Variants in COL6A2 observed in about 807,000 individuals in gnomAD.
COL6A2 encodes the protein collagen alpha-2(VI) chain.
A neutral mutation model predicts 124.9 loss-of-function variants in COL6A2; 90 were observed. The observed-to-expected ratio is 0.72, with a 90% confidence interval of 0.61 to 0.86. COL6A2 has a LOEUF of 0.86. Among genes scored for constraint, COL6A2 ranks in the 40% least tolerant of loss-of-function variants. The pLI is 0.00. For missense variants in COL6A2, 1,607 were observed against 1,502.5 expected, an observed-to-expected ratio of 1.07 and a Z score of -1.15; for synonymous variants, 793 against 618.2, an observed-to-expected ratio of 1.28 and a Z score of -4.19.
rs773206012 is a variant in COL6A2, at chr21:46,112,672, G to A, written c.714+95G>A. On this transcript the variant is annotated intron_variant, in intron 3 of 27. Coordinates refer to ENST00000300527, the MANE Select transcript of COL6A2 (RefSeq NM_001849.4). ...CCTCACTTTACCCCTCTGTGAGTGC[G>A]GAGGCCGAAGGAGGAAGCTCCGGGC... The A allele has an allele frequency of 8.8e-5, 139 of 1,588,000 alleles. 1 individual carries two copies. The highest frequency in any genetic ancestry group is 1.7e-4 in the Middle Eastern group (1 of 6,044).
intron 21 of COL6A2, 43 bp from the exon 22 acceptor site, chr21:46,124,608 T>C (rs933746120): frequency 6.3e-7 from 1 of 1,599,004 alleles, no homozygotes; most frequent in Admixed American, 1.7e-5. Flanking sequence ...GCAGGGACTG[T>C]CCCTGGGGCC....
chr21:46,129,918 G>A, intron 27 of COL6A2: 1 of 898,560 alleles, frequency 1.1e-6, no homozygotes, highest in Non-Finnish European at 1.3e-6. Flanking sequence ...CCGTGCGTCT[G>A]GGATGGGGCT....
chr21:46,132,529 C>A lies in COL6A2; in HGVS notation c.3037C>A (p.Arg1013Ser), dbSNP rs762516507. ...CCTGGCGCAACCCGGCTTCTTCGAC[C>A]GCTTCATCCGCTGGATCTGCTAGCG... ...DSLAQPGFFDRFIRWIC is the reference protein window; with the variant it reads ...DSLAQPGFFDSFIRWIC The change falls in exon 28 of 28, where the codon CGC (arginine) becomes AGC (serine). Residue 1013 changes from arginine to serine, a missense_variant. Coordinates refer to ENST00000300527, the MANE Select transcript of COL6A2 (RefSeq NM_001849.4). 13 of 1,605,022 alleles carry A rather than the reference C, an allele frequency of 8.1e-6. 1 individual carries two copies. In the South Asian group the frequency reaches 1.4e-4, roughly 18 times the overall value.
At chr21:46,108,346 A>G (rs1219678680) in intron 1 of COL6A2, among the ~76,000 whole-genome samples, 2 of 152,112 alleles carry the variant, frequency 1.3e-5, no homozygotes, top group African/African-American at 2.4e-5. Context: ...TTTTTAACCC[A>G]GGGTTAGATC....
chr21:46,124,824 G>A (rs1317021267), intron 22 of COL6A2, 61 bp from the exon 23 acceptor site: 5 of 1,607,698 alleles, frequency 3.1e-6, no homozygotes, highest in East Asian at 4.5e-5. Flanking sequence ...GCAGTGGCCT[G>A]GGAGAGACTC....
chr21:46,109,332 T>C (rs2078369735), intron 1 of COL6A2, among the ~76,000 whole-genome samples: 1 of 152,100 alleles, frequency 6.6e-6, no homozygotes, highest in Non-Finnish European at 1.5e-5. Flanking sequence ...GCCTGGGGCT[T>C]TTAAAGGCCT....
Position 46,116,908 on chromosome 21 carries a change from C to T in COL6A2, c.999+94C>T. On this transcript the variant is annotated intron_variant, in intron 10 of 27. Transcript: ENST00000300527. The surrounding 1 kb of genome is among the most constrained non-coding windows in gnomAD (Gnocchi z 4.6). Reference sequence around the variant, plus strand: ...AGATCCAGCCTGATCTGTCAGCTTACACATGTGTACACACGCATACACACA... The same window carrying T: ...AGATCCAGCCTGATCTGTCAGCTTATACATGTGTACACACGCATACACACA... 1.8e-6 allele frequency: 2 copies of T among 1,113,798 alleles called. No individual in the cohort carries two copies. Among genetic ancestry groups the T allele is most frequent in the Non-Finnish European group, 2.7e-6 (2 of 745,636 alleles). 69.0% of individuals were successfully genotyped at this position (1,113,798 alleles called of 1,614,324 possible). A position where few individuals can be genotyped will look rare whatever the true frequency, so the allele number is the denominator to read the frequency against.
chr21:46,126,439 AC>A (rs1601252293), intron 26 of COL6A2, 63 bp from the exon 27 acceptor site: 22 of 1,601,990 alleles, frequency 1.4e-5, no homozygotes, highest in Non-Finnish European at 1.9e-5. Context: ...AGATCAGTGA[AC>A]GGCCGCTGAG....
At chr21:46,107,850 T>A (rs2078351064) in intron 1 of COL6A2, among the ~76,000 whole-genome samples, 1 of 152,208 alleles carries the variant, frequency 6.6e-6, no homozygotes, top group Admixed American at 6.5e-5. Context: ...GATTGATGTC[T>A]CATGCCTCCC....
chr21:46,099,455 C>CAA (rs35690093), intron 1 of COL6A2, among the ~76,000 whole-genome samples: 53 of 68,690 alleles, frequency 7.7e-4, no homozygotes, highest in Non-Finnish European at 9.8e-4. Flanking sequence ...GAGACTGTCT[C>CAA]AAAAAAAAAA....
intron 27 of COL6A2, 119 bp from the exon 28 acceptor site, chr21:46,131,835 C>G (rs2078763814): frequency 5.2e-6 from 5 of 966,602 alleles, no homozygotes; most frequent in East Asian, 5.2e-5. Context: ...CCCCGCAGAG[C>G]CCAGTGGTCT....
intron 4 of COL6A2, among the ~76,000 whole-genome samples, chr21:46,113,235 A>C (rs1223701294): frequency 6.6e-6 from 1 of 152,084 alleles, no homozygotes; most frequent in African/African-American, 2.4e-5. Context: ...CAGGCATCTG[A>C]GATCTCCCCC....
chr21:46,129,013 T>A, intron 27 of COL6A2: 1 of 1,604,790 alleles, frequency 6.2e-7, no homozygotes, highest in Admixed American at 1.7e-5. Context: ...GTCCCTGTGC[T>A]CACTGCCCCC....
rs141021828 is a variant in COL6A2, at chr21:46,132,097, G to A, written c.2605G>A (p.Asp869Asn). The A allele has an allele frequency of 3.6e-4, 575 of 1,595,502 alleles. 4 individuals carry two copies. In the African/African-American group the frequency reaches 7.0e-3, roughly 19 times the overall value. Residue 869 changes from aspartate to asparagine, a missense_variant, in exon 28 of 28, where the codon GAC becomes AAC. By Grantham distance (23) the Asp-to-Asn change is conservative. Coordinates refer to ENST00000300527, the MANE Select transcript of COL6A2 (RefSeq NM_001849.4). ...GCGGCGGCTGACGCTGGCCCGGAGG[G>A]ACGACGACCCTCTCAACGCACGCGT... ...VARRLTLARR[D>N]DDPLNARVAL... is the part of the protein sequence containing the mutation.
chr21:46,120,689 T>G (rs1346087024), intron 16 of COL6A2, 112 bp downstream of exon 16: 1 of 1,053,454 alleles, frequency 9.5e-7, no homozygotes, highest in Non-Finnish European at 1.3e-6. Flanking sequence ...GGGACCCGGG[T>G]GGGTGCTGCA....
chr21:46,125,792 T>C lies in COL6A2; in HGVS notation c.1977T>C (p.Arg659=), dbSNP rs1360066026. The change falls in exon 26 of 28, where the codon CGT becomes CGC. Residue 659 remains arginine (R), a synonymous_variant. Transcript: ENST00000300527. ...AKDPKSETGT[R]VGVVQYSHEG... Reference sequence around the variant, plus strand: ...CACGCGTGCGGCTTGCAGGGACGCGTGTGGGCGTGGTGCAGTACAGCCACG... The same window carrying C: ...CACGCGTGCGGCTTGCAGGGACGCGCGTGGGCGTGGTGCAGTACAGCCACG... The C allele has an allele frequency of 1.2e-6, 2 of 1,611,506 alleles. No individual in the cohort carries two copies. The highest frequency in any genetic ancestry group is 1.7e-6 in the Non-Finnish European group (2 of 1,178,804).
chr21:46,125,376 G>T, intron 24 of COL6A2, 65 bp downstream of exon 24: 1 of 1,604,908 alleles, frequency 6.2e-7, no homozygotes, highest in African/African-American at 1.3e-5. Context: ...GTGCAGCAGG[G>T]CTGGGTCATC....
intron 27 of COL6A2, among the ~76,000 whole-genome samples, chr21:46,130,658 A>G (rs924464916): frequency 6.6e-6 from 1 of 152,200 alleles, no homozygotes; most frequent in Admixed American, 6.5e-5. Flanking sequence ...ATGAATGGAC[A>G]GAGACCCCCA....
At chr21:46,118,426 C>G (rs1454400487) in intron 12 of COL6A2, among the ~76,000 whole-genome samples, 188 bp from the exon 13 acceptor site, 1 of 152,230 alleles carries the variant, frequency 6.6e-6, no homozygotes, top group East Asian at 1.9e-4. Context: ...GCCCGTGACA[C>G]ACACTCTGCC....
Sources: gnomAD v4.1 joint callset for allele counts (sites outside exome capture counted in the v4.1 genomes callset) on GRCh38, gnomAD v4.1.1 for gene constraint, Gnocchi (gnomAD v3.1) non-coding constraint, MANE v1.5 for transcripts, NCBI Gene and HGNC (gene_info 2026-07-23, HGNC 2026-07-21) for gene names.